Variants in SETDB1 observed in about 807,000 individuals in gnomAD.
SETDB1 encodes the protein SET domain bifurcated histone lysine methyltransferase 1.
A neutral mutation model predicts 137.4 loss-of-function variants in SETDB1; 31 were observed. The ratio of observed to expected loss-of-function variants is 0.23; its 90% CI spans 0.17 to 0.30. The LOEUF (loss-of-function observed/expected upper bound fraction) is 0.30. Ranked by LOEUF, SETDB1 falls within the 10% of genes least tolerant of loss-of-function variation. The probability of loss-of-function intolerance (pLI) is 1.00; values close to 1 mark genes in which losing one functional copy is unlikely to be tolerated. For synonymous variants in SETDB1, 548 were observed against 579.9 expected, an observed-to-expected ratio of 0.95 and a Z score of 0.79; for missense variants, 1,113 against 1,631.5, an observed-to-expected ratio of 0.68 and a Z score of 5.47.
Position 150,961,049 on chromosome 1 carries a change from C to T in SETDB1, c.2990C>T (p.Ala997Val). 1.2e-6 allele frequency: 2 copies of T among 1,609,484 alleles called. No homozygotes were observed. The highest frequency in any genetic ancestry group is 1.7e-6 in the Non-Finnish European group (2 of 1,177,670). ...SCNSVSEGGF[A>V]DSDSHSSFKT... The stretch of plus-strand genomic sequence containing the variant: ...AATAGTGTCAGTGAAGGTGGTTTTG[C>T]TGACTCTGATAGCCATTCATCCTTC... Residue 997 changes from alanine (A) to valine (V), a missense_variant, in exon 16 of 22, where the codon GCT (alanine) becomes GTT (valine). Physicochemically the swap from Ala to Val is moderately conservative, Grantham distance 64 (BLOSUM62 0). Coordinates refer to ENST00000692827, the MANE Select transcript of SETDB1 (RefSeq NM_001366418.1).
chr1:150,926,678 T>TG (rs1185812060), intron 1 of SETDB1, 161 bp downstream of exon 1: 1 of 518,352 alleles, frequency 1.9e-6, no homozygotes, highest in Non-Finnish European at 4.0e-6. Flanking sequence ...ACCCCTAGAA[T>TG]GGGTAGCACG....
rs1330160198 is a variant in SETDB1 at position 150,929,990 on chromosome 1, T to C, written c.284T>C (p.Leu95Ser). ...ASRAVTNCES[L>S]VKDFYSKLGL... ...AGGGCAGTGACTAATTGTGAGTCTT[T>C]GGTGAAGGACTTCTACTCCAAGCTG... is the stretch of plus-strand genomic sequence containing the variant. Residue 95 changes from leucine to serine, a missense_variant, in exon 3 of 22, where the codon TTG (leucine) becomes TCG (serine). Leu to Ser is a moderately radical substitution (Grantham distance 145). Coordinates refer to ENST00000692827, the MANE Select transcript of SETDB1 (RefSeq NM_001366418.1). 2.5e-6 allele frequency: 4 copies of C among 1,613,870 alleles called. No individual in the cohort carries two copies. The highest frequency in any genetic ancestry group is 1.1e-5 in the South Asian group (1 of 91,026).
chr1:150,951,435 A>T lies in SETDB1; in HGVS notation c.2287A>T (p.Asn763Tyr). 1 of 1,613,636 alleles carries T rather than the reference A, an allele frequency of 6.2e-7. No homozygotes were observed. The highest frequency in any genetic ancestry group is 1.1e-5 in the South Asian group (1 of 91,072). ...TACCCCAGGAGGCCAAATCAACCCTAACTCTGGCTACCAGTACAAGAGACT... is the reference window on the plus strand; with the variant it reads ...TACCCCAGGAGGCCAAATCAACCCTTACTCTGGCTACCAGTACAAGAGACT... Reference protein sequence around the residue: ...ACTPGGQINPNSGYQYKRLEE... With the variant: ...ACTPGGQINPYSGYQYKRLEE... Residue 763 changes from asparagine (N) to tyrosine (Y), a missense_variant, in exon 14 of 22, where the codon AAC becomes TAC. Around this residue, in one of 11 missense-constraint regions of SETDB1, gnomAD observed 81 missense variants for 123.4 expected, o/e 0.66. Coordinates refer to ENST00000692827, the MANE Select transcript of SETDB1 (RefSeq NM_001366418.1).
chr1:150,948,395 C>T (rs587675039), intron 10 of SETDB1, among the ~76,000 whole-genome samples: 10 of 151,510 alleles, frequency 6.6e-5, no homozygotes, highest in African/African-American at 9.7e-5. Context: ...CTCAGCCTTC[C>T]GAGTAACTGG....
intron 1 of SETDB1, chr1:150,926,729 G>GA (rs1558007911): frequency 1.9e-6 from 1 of 533,274 alleles, no homozygotes; most frequent in Admixed American, 1.9e-5. Flanking sequence ...TGGAGGCGCT[G>GA]AAAATCAGAT....
rs587625038 is a variant in SETDB1, at chr1:150,939,468, G to A, written c.413-472G>A. ...GCTTCCCAAGTAGCTGGGATTACAG[G>A]CATGTGCCACCATGCCCATCTAATT... On this transcript the variant is annotated intron_variant, in intron 3 of 21. Coordinates refer to ENST00000692827, the MANE Select transcript of SETDB1 (RefSeq NM_001366418.1). 2.0e-3 allele frequency among the ~76,000 whole-genome samples: 299 copies of A among 151,946 alleles called. 1 individual carries two copies. Among genetic ancestry groups the A allele is most frequent in the Middle Eastern group, 3.4e-3 (1 of 294 alleles).
rs1670800533 is a variant in SETDB1, at chr1:150,961,034, G to C, written c.2975G>C (p.Ser992Thr). The change falls in exon 16 of 22, where the codon AGT (serine) becomes ACT (threonine). Residue 992 changes from serine (S) to threonine (T), a missense_variant. Around this residue, in one of 11 missense-constraint regions of SETDB1, gnomAD observed 373 missense variants for 412.7 expected, o/e 0.90. Coordinates refer to ENST00000692827, the MANE Select transcript of SETDB1 (RefSeq NM_001366418.1). ...VASWLSCNSV[S>T]EGGFADSDSH... is the part of the protein sequence containing the mutation. ...TCATGGTTGAGCTGCAATAGTGTCAGTGAAGGTGGTTTTGCTGACTCTGAT... is the reference window on the plus strand; with the variant it reads ...TCATGGTTGAGCTGCAATAGTGTCACTGAAGGTGGTTTTGCTGACTCTGAT... The C allele has an allele frequency of 6.2e-7, 1 of 1,612,638 alleles. No individual in the cohort carries two copies. The highest frequency in any genetic ancestry group is 1.3e-5 in the African/African-American group (1 of 74,854).
At position 150,964,089 on chromosome 1, in the gene SETDB1, G is replaced by T. The variant is rs768732712; in HGVS notation, c.3761+6G>T. On this transcript the variant is annotated splice_donor_region_variant and intron_variant, in intron 21 of 21. Transcript: ENST00000692827. ...GTGGCCTTCTTTGCCAGCAAGTAAG[G>T]AGTCAGGAAAGGGGATGACTGGGGA... is the stretch of plus-strand genomic sequence containing the variant. 1.2e-6 allele frequency: 2 copies of T among 1,612,950 alleles called. No homozygotes were observed. Among genetic ancestry groups the T allele is most frequent in the Non-Finnish European group, 1.7e-6 (2 of 1,178,940 alleles).
Position 150,949,244 on chromosome 1 carries a change from G to C in SETDB1, c.1390G>C (p.Ala464Pro). The C allele has an allele frequency of 6.2e-7, 1 of 1,613,972 alleles. No individual in the cohort carries two copies. Among genetic ancestry groups the C allele is most frequent in the Non-Finnish European group, 8.5e-7 (1 of 1,179,976 alleles). ...TCCACCTGCCCCACCTTTCCCACCT[G>C]CTCCACCTCTATCCCCCCAAGCAGG... ...TAPPAPPFPP[A>P]PPLSPQAGDS... The change falls in exon 11 of 22, where the codon GCT (alanine) becomes CCT (proline). Residue 464 changes from alanine to proline, a missense_variant. Ala to Pro is a conservative substitution (Grantham distance 27). Transcript: ENST00000692827.
At chr1:150,956,356 G>A (rs1469952847) in intron 14 of SETDB1, among the ~76,000 whole-genome samples, 1 of 151,016 alleles carries the variant, frequency 6.6e-6, no homozygotes, top group Admixed American at 6.6e-5. Flanking sequence ...ACTGCACTCC[G>A]GCCTAGGCAA....
Position 150,949,426 on chromosome 1 carries a change from T to C in SETDB1, c.1484T>C (p.Phe495Ser). 6.2e-7 allele frequency: 1 copy of C among 1,614,202 alleles called. No homozygotes were observed. The highest frequency in any genetic ancestry group is 8.5e-7 in the Non-Finnish European group (1 of 1,180,030). ...RKQVAKKSTS[F>S]RPGSVGSGHS... is the part of the protein sequence containing the mutation. ...CAGGTAGCCAAAAAGAGCACGTCCTTTCGACCAGGATCTGTGGGCTCTGGT... is the reference window on the plus strand; with the variant it reads ...CAGGTAGCCAAAAAGAGCACGTCCTCTCGACCAGGATCTGTGGGCTCTGGT... The change falls in exon 12 of 22, where the codon TTT becomes TCT. Residue 495 changes from phenylalanine (F) to serine (S), a missense_variant. Phe to Ser is a radical substitution (Grantham distance 155). Around this residue, in one of 11 missense-constraint regions of SETDB1, gnomAD observed 192 missense variants for 198.1 expected, o/e 0.97. Transcript: ENST00000692827.
chr1:150,940,442 C>T, intron 4 of SETDB1, among the ~76,000 whole-genome samples: 1 of 151,778 alleles, frequency 6.6e-6, no homozygotes, highest in Non-Finnish European at 1.5e-5. Context: ...GTGGTGCATG[C>T]CTGTAATCCC....
At chr1:150,931,591 C>A (rs1379055895) in intron 3 of SETDB1, among the ~76,000 whole-genome samples, 1 of 147,498 alleles carries the variant, frequency 6.8e-6, no homozygotes, top group African/African-American at 2.5e-5. Context: ...TGCACATGTA[C>A]CCTAAAACTT....
chr1:150,935,970 G>A (rs1184583912), intron 3 of SETDB1, among the ~76,000 whole-genome samples: 3 of 152,058 alleles, frequency 2.0e-5, no homozygotes, highest in African/African-American at 7.2e-5. Context: ...ATTTTCCTGA[G>A]AGTTCCATAT....
chr1:150,957,433 C>T (rs375284227), intron 14 of SETDB1, among the ~76,000 whole-genome samples: 3 of 152,306 alleles, frequency 2.0e-5, no homozygotes, highest in African/African-American at 4.8e-5. Flanking sequence ...TGCTTAGTAA[C>T]TAGAAGCTGC....
chr1:150,959,415 A>T (rs1022782306), intron 15 of SETDB1, 68 bp downstream of exon 15: 2 of 1,333,224 alleles, frequency 1.5e-6, no homozygotes, highest in African/African-American at 3.0e-5. Context: ...CCAGAGACAA[A>T]TTGAACATAA....
intron 14 of SETDB1, among the ~76,000 whole-genome samples, chr1:150,954,785 G>A (rs1430204283): frequency 1.3e-5 from 2 of 152,182 alleles, no homozygotes; most frequent in African/African-American, 4.8e-5. Flanking sequence ...TGTTACAGTA[G>A]GCTAAATACA....
chr1:150,963,790 C>CA, intron 20 of SETDB1, 49 bp downstream of exon 20: 3 of 1,570,914 alleles, frequency 1.9e-6, no homozygotes, highest in Non-Finnish European at 2.6e-6. Flanking sequence ...CCATGGTCCT[C>CA]AGATTTCTTT....
Position 150,957,571 on chromosome 1 carries a change from T to C in SETDB1, c.2334-1607T>C, listed in dbSNP as rs371979972. On this transcript the variant is annotated intron_variant, in intron 14 of 21. Coordinates refer to ENST00000692827, the MANE Select transcript of SETDB1 (RefSeq NM_001366418.1). ...AAGAAAATAAGTAAAATTCTAACAC[T>C]GGGCAAATAGAGCAAAAACATTGTT... Among the ~76,000 whole-genome samples the C allele has an allele frequency of 1.6e-3, 249 of 152,328 alleles. 1 individual carries two copies. Among genetic ancestry groups the C allele is most frequent in the African/African-American group, 5.7e-3 (239 of 41,584 alleles).
Sources: allele counts gnomAD v4.1 joint callset (sites outside exome capture counted in the v4.1 genomes callset), GRCh38; gene constraint gnomAD v4.1.1; regional missense constraint gnomAD v4.1.1; transcripts MANE v1.5; gene names NCBI Gene and HGNC (gene_info 2026-07-23, HGNC 2026-07-21).